DST: variants seen among roughly 807,000 people sequenced by gnomAD.
The protein encoded by DST is bullous pemphigoid antigen.
DST carries 253 observed loss-of-function variants against 875.2 expected under a neutral mutation model. The observed-to-expected ratio is 0.29, with a 90% CI of 0.26 to 0.32. The LOEUF is 0.32. DST is among the 10% of genes least tolerant of loss of function. DST has a pLI of 1.00. For synonymous variants in DST, 3,124 were observed against 3,197.1 expected (o/e 0.98, Z 0.77); for missense variants, 8,287 against 9,111.6 (o/e 0.91, Z 3.68).
chr6:56,490,113 C>T (rs1202379748), intron 85 of DST, among the ~76,000 whole-genome samples: 2 of 152,022 alleles, frequency 1.3e-5, no homozygotes, highest in Non-Finnish European at 2.9e-5. Context: ...AAAAAAGAGG[C>T]CATTGCATTC....
chr6:56,583,328 G>A (rs2098065889), intron 49 of DST, among the ~76,000 whole-genome samples: 1 of 152,172 alleles, frequency 6.6e-6, no homozygotes, highest in Non-Finnish European at 1.5e-5. Flanking sequence ...GTTTTGATTT[G>A]CATTTCTCTG....
Position 56,570,028 on chromosome 6 carries a change from C to T in DST, c.13722-16G>A, listed in dbSNP as rs753007094. 1.3e-6 allele frequency: 2 copies of T among 1,539,624 alleles called. No individual in the cohort carries two copies. The highest frequency in any genetic ancestry group is 2.2e-5 in the Admixed American group (1 of 45,568). On this transcript the variant is annotated splice_polypyrimidine_tract_variant and intron_variant, in intron 53 of 103. Transcript: ENST00000680361. ...AGCTTCTTTTCTACATAACAAAAAT[C>T]ATACAAGAATTTAAGTCACAGAAAG...
At chr6:56,778,731 G>A (rs1398379179) in intron 4 of DST, among the ~76,000 whole-genome samples, 1 of 151,868 alleles carries the variant, frequency 6.6e-6, no homozygotes. Flanking sequence ...TTTTATGGCT[G>A]TATAGTATTC....
At chr6:56,512,355 T>G (rs1021851634) in intron 72 of DST, among the ~76,000 whole-genome samples, 2 of 152,324 alleles carry the variant, frequency 1.3e-5, no homozygotes, top group South Asian at 4.1e-4. Context: ...ATGGATCCCA[T>G]GGATTTCAAT....
chr6:56,654,479 C>A (rs1227883080), intron 10 of DST, among the ~76,000 whole-genome samples: 2 of 151,614 alleles, frequency 1.3e-5, no homozygotes, highest in African/African-American at 4.9e-5. Flanking sequence ...AAATATAGGG[C>A]AGAGAGGTAT....
intron 2 of DST, among the ~76,000 whole-genome samples, chr6:56,922,886 T>C (rs1805019009): frequency 6.6e-6 from 1 of 152,176 alleles, no homozygotes; most frequent in East Asian, 1.9e-4. Context: ...TTGTTAAACA[T>C]TACTAAATTT....
chr6:56,497,853 C>T lies in DST; in HGVS notation c.20094+3G>A, dbSNP rs1314095094. 2 of 1,600,934 alleles carry T rather than the reference C, an allele frequency of 1.2e-6. No homozygotes were observed. Among genetic ancestry groups the T allele is most frequent in the Middle Eastern group, 1.7e-4 (1 of 5,976 alleles). On this transcript the variant is annotated splice_donor_region_variant and intron_variant, in intron 81 of 103. Transcript: ENST00000680361. The stretch of plus-strand genomic sequence containing the variant: ...AACTTTCAGAATTTATTCTCTTACT[C>T]ACCTGGCGCAAGGCACCATCCAGCT...
At position 56,560,332 on chromosome 6, in the gene DST, G is replaced by T. The variant is rs763097477; in HGVS notation, c.14402C>A (p.Pro4801His). The T allele has an allele frequency of 2.5e-6, 4 of 1,611,176 alleles. No homozygotes were observed. Among genetic ancestry groups the T allele is most frequent in the Non-Finnish European group, 2.5e-6 (3 of 1,178,544 alleles). ...CATCTGTTTCCATCTGGGGGCCTCA[G>T]GAGTATCTGGGTTCTCCTCCAACAG... ...TELLEENPDT[P>H]EAPRWKQMLT... Residue 4801 changes from proline (P) to histidine (H), a missense_variant, in exon 58 of 104, where the codon CCT becomes CAT. Physicochemically the swap from Pro to His is moderately conservative, Grantham distance 77 (BLOSUM62 -2). This residue lies in a region of DST where 1,513 missense variants were observed against 1,677.8 expected (regional missense o/e 0.90). Coordinates refer to ENST00000680361, the MANE Select transcript of DST (RefSeq NM_001374736.1).
chr6:56,620,765 T>C lies in DST; in HGVS notation c.4929+3765A>G. On this transcript the variant is annotated intron_variant, in intron 36 of 103. Transcript: ENST00000680361. Reference sequence around the variant, plus strand: ...CAAGCCTGTTCTGTTCAAAATATCTTACAACGTATGAATCAATGTTCATAA... The same window carrying C: ...CAAGCCTGTTCTGTTCAAAATATCTCACAACGTATGAATCAATGTTCATAA... The C allele has an allele frequency of 2.0e-6, 3 of 1,512,724 alleles. No individual in the cohort carries two copies. In the African/African-American group the frequency reaches 4.1e-5, roughly 21 times the overall value. The allele number at this position is 1,512,724 out of a possible 1,614,324, so 93.7% of individuals were successfully genotyped here.
At chr6:56,492,197 G>A (rs545477367) in intron 85 of DST, 30 bp downstream of exon 85, 2 of 1,591,144 alleles carry the variant, frequency 1.3e-6, no homozygotes, top group Non-Finnish European at 1.7e-6. Flanking sequence ...TTATTGACAA[G>A]TTCAGAGAAT....
At chr6:56,691,641 A>C (rs2099230599) in intron 9 of DST, among the ~76,000 whole-genome samples, 1 of 152,212 alleles carries the variant, frequency 6.6e-6, no homozygotes, top group African/African-American at 2.4e-5. Context: ...GAGCAATTAA[A>C]TAAATACCTA....
At chr6:56,549,076 G>C (rs563274954) in intron 61 of DST, among the ~76,000 whole-genome samples, 1 of 152,268 alleles carries the variant, frequency 6.6e-6, no homozygotes, top group South Asian at 2.1e-4. Flanking sequence ...TTGAACTATA[G>C]AAAGAAAAAC....
chr6:56,625,348 G>A (rs1472233966), intron 34 of DST, 84 bp from the exon 35 acceptor site: 6 of 863,766 alleles, frequency 6.9e-6, no homozygotes, highest in Non-Finnish European at 9.8e-6. Context: ...CAGATAATTA[G>A]AACCTAGATT....
At chr6:56,934,318 T>C (rs1811732182) in intron 2 of DST, among the ~76,000 whole-genome samples, 1 of 151,888 alleles carries the variant, frequency 6.6e-6, no homozygotes, top group South Asian at 2.1e-4. Context: ...CTGGGGGTTG[T>C]TAGCATAACA....
chr6:56,481,984 C>T (rs1435379427), intron 90 of DST, 66 bp downstream of exon 90: 4 of 1,516,182 alleles, frequency 2.6e-6, no homozygotes, highest in South Asian at 1.2e-5. Flanking sequence ...TATTTGTAAT[C>T]CCGAGTCTAT....
intron 3 of DST, among the ~76,000 whole-genome samples, chr6:56,894,395 G>A (rs1199864051): frequency 1.2e-3 from 90 of 76,684 alleles, no homozygotes; most frequent in Non-Finnish European, 1.5e-3. Context: ...GCGGCTGGCC[G>A]GGCAGAGGGG....
At chr6:56,535,383 C>T (rs1444368588) in intron 62 of DST, 91 bp from the exon 63 acceptor site, 50 of 1,371,664 alleles carry the variant, frequency 3.6e-5, no homozygotes, top group Admixed American at 1.0e-4. Flanking sequence ...CTTATTTTCC[C>T]GTGTGGTCAC....
intron 2 of DST, among the ~76,000 whole-genome samples, chr6:56,938,116 A>C (rs201970529): frequency 0.17 from 22,904 of 132,512 alleles, 1,926 homozygotes; most frequent in East Asian, 0.33. Context: ...CTCTATATAT[A>C]TATATATATA....
At chr6:56,505,971 T>C (rs529859166) in intron 77 of DST, among the ~76,000 whole-genome samples, 1 of 152,310 alleles carries the variant, frequency 6.6e-6, no homozygotes, top group South Asian at 2.1e-4. Context: ...TAGAAATCTA[T>C]TTTTGTACAT....
Sources: allele counts gnomAD v4.1 joint callset (sites outside exome capture counted in the v4.1 genomes callset), GRCh38; gene constraint gnomAD v4.1.1; regional missense constraint gnomAD v4.1.1; transcripts MANE v1.5; gene names NCBI Gene and HGNC (gene_info 2026-07-23, HGNC 2026-07-21).